The following BCAS3 variants were observed in gnomAD, a reference collection of about 807,000 sequenced individuals.
The protein encoded by BCAS3 is BCAS3 microtubule associated cell migration factor, also known as BCAS4/BCAS3 fusion.
A neutral mutation model predicts 116.1 loss-of-function variants in BCAS3; 53 were observed. The ratio of observed to expected loss-of-function variants is 0.46; its 90% CI spans 0.37 to 0.57. The LOEUF (loss-of-function observed/expected upper bound fraction) is 0.57. Among genes scored for constraint, BCAS3 ranks in the 20% least tolerant of loss-of-function variants. The pLI is 0.00. For synonymous variants in BCAS3, 391 were observed against 408.2 expected (o/e 0.96, Z 0.51); for missense variants, 917 against 1,165.4 (o/e 0.79, Z 3.10).
intron 22 of BCAS3, among the ~76,000 whole-genome samples, chr17:61,108,584 A>G (rs1051036739): frequency 1.6e-5 from 2 of 125,062 alleles, no homozygotes; most frequent in African/African-American, 5.9e-5. Context: ...CTAAAATTCT[A>G]TCTTGATTTG....
intron 5 of BCAS3, among the ~76,000 whole-genome samples, chr17:60,737,732 ATAAT>A (rs1193973933): frequency 1.3e-5 from 2 of 151,792 alleles, no homozygotes; most frequent in African/African-American, 4.8e-5. Context: ...TTCTACTTTA[ATAAT>A]TCTATTGTGG....
rs1436230767 is a variant in BCAS3, at chr17:60,848,350, A to G, written c.477-20226A>G. Among the ~76,000 whole-genome samples the G allele has an allele frequency of 2.0e-5, 3 of 152,088 alleles. No individual in the cohort carries two copies. The East Asian group carries it at 5.8e-4, about 29-fold the overall frequency. On this transcript the variant is annotated intron_variant, in intron 7 of 23. Coordinates refer to ENST00000407086, the MANE Select transcript of BCAS3 (RefSeq NM_017679.5). ...AAAAAGGCCACTGGAATTTCGAAAG[A>G]TATTGTATTGCTGTTATGAATGGAA...
At chr17:61,042,753 G>T (rs1254471421) in intron 19 of BCAS3, among the ~76,000 whole-genome samples, 1 of 151,240 alleles carries the variant, frequency 6.6e-6, no homozygotes, top group Non-Finnish European at 1.5e-5. Flanking sequence ...AGCCGGGTGT[G>T]GTGGTGCATG....
At position 61,040,815 on chromosome 17, in the gene BCAS3, A is replaced by C; in HGVS notation, c.1952A>C (p.Gln651Pro). 6.2e-7 allele frequency: 1 copy of C among 1,614,106 alleles called. No individual in the cohort carries two copies. Among genetic ancestry groups the C allele is most frequent in the Non-Finnish European group, 8.5e-7 (1 of 1,179,956 alleles). Residue 651 changes from glutamine (Q) to proline (P), a missense_variant, in exon 19 of 24, where the codon CAG becomes CCG. By Grantham distance (76) the Gln-to-Pro change is moderately conservative. Transcript: ENST00000407086. ...LVRTPQWNEL[Q>P]PPFNANHPLL... ...AGAACCCCTCAATGGAATGAATTGC[A>C]GCCACCGTTTAATGCAAACCACCCT... is the stretch of plus-strand genomic sequence containing the variant.
chr17:60,984,299 T>C (rs2062988408), intron 14 of BCAS3, among the ~76,000 whole-genome samples: 1 of 152,164 alleles, frequency 6.6e-6, no homozygotes, highest in South Asian at 2.1e-4. Flanking sequence ...ATTAGAAACT[T>C]GTACTTTGAT....
rs1422265697 is a variant in BCAS3, at chr17:61,004,444, A to G, written c.1487-11307A>G. 6.6e-6 allele frequency among the ~76,000 whole-genome samples: 1 copy of G among 152,036 alleles called. No individual in the cohort carries two copies. Among genetic ancestry groups the G allele is most frequent in the Non-Finnish European group, 1.5e-5 (1 of 67,978 alleles). On this transcript the variant is annotated intron_variant, in intron 15 of 23. Coordinates refer to ENST00000407086, the MANE Select transcript of BCAS3 (RefSeq NM_017679.5). This position sits in a 1 kb window ranked among gnomAD's most constrained non-coding sequence, Gnocchi z 4.8. Reference sequence around the variant, plus strand: ...AGGCTTCTTAGGATTTGTAGTAGCCAGAGTTTGAATGATTGACCCATATGA... The same window carrying G: ...AGGCTTCTTAGGATTTGTAGTAGCCGGAGTTTGAATGATTGACCCATATGA...
At chr17:60,812,930 A>G (rs1267364419) in intron 7 of BCAS3, among the ~76,000 whole-genome samples, 2 of 152,078 alleles carry the variant, frequency 1.3e-5, no homozygotes, top group Admixed American at 6.6e-5. Context: ...TTTTTAAGAG[A>G]TAAGTTCCCA....
At chr17:61,293,114 G>T (rs1283113618) in intron 22 of BCAS3, among the ~76,000 whole-genome samples, 1 of 152,142 alleles carries the variant, frequency 6.6e-6, no homozygotes, top group African/African-American at 2.4e-5. Context: ...TTCTTCTGTG[G>T]ACTCATGTTC....
intron 19 of BCAS3, among the ~76,000 whole-genome samples, chr17:61,045,823 T>TTCTCTCTCTCTCTCTCTCTCTCTCTC (rs1182475386): frequency 1.6e-3 from 55 of 34,618 alleles, no homozygotes; most frequent in Non-Finnish European, 1.8e-3. Context: ...TCATCTCTCT[T>TTCTCTCTCTCTCTCTCTCTCTCTCTC]TCTCTCTCTC....
At chr17:60,981,581 C>T (rs781691238) in intron 14 of BCAS3, among the ~76,000 whole-genome samples, 1 of 152,120 alleles carries the variant, frequency 6.6e-6, no homozygotes, top group African/African-American at 2.4e-5. Context: ...CTGTGCCCAG[C>T]CACAAGAGTG....
chr17:61,206,750 A>G (rs2144310460), intron 22 of BCAS3, among the ~76,000 whole-genome samples: 1 of 143,200 alleles, frequency 7.0e-6, no homozygotes. Flanking sequence ...GACGTGAGCC[A>G]AGATCTCGCC....
chr17:61,318,590 C>T (rs935263447), intron 22 of BCAS3, among the ~76,000 whole-genome samples: 8 of 152,192 alleles, frequency 5.3e-5, no homozygotes, highest in South Asian at 4.1e-4. Flanking sequence ...CAACAGATGA[C>T]GGGTTATTTC....
In BCAS3 at chr17:61,233,222, C is replaced by T. The variant is rs529480692; in HGVS notation, c.2426-135105C>T. ...GGAAAGGAGGTGATAAAGATTAGAG[C>T]TGATTGGGAAGGTTCTGAATGCCCA... On this transcript the variant is annotated intron_variant, in intron 22 of 23. Coordinates refer to ENST00000407086, the MANE Select transcript of BCAS3 (RefSeq NM_017679.5). The surrounding 1 kb of genome is among the most constrained non-coding windows in gnomAD (Gnocchi z 4.3). 6.6e-6 allele frequency among the ~76,000 whole-genome samples: 1 copy of T among 152,294 alleles called. No homozygotes were observed. Among genetic ancestry groups the T allele is most frequent in the South Asian group, 2.1e-4 (1 of 4,818 alleles).
intron 15 of BCAS3, among the ~76,000 whole-genome samples, chr17:60,992,189 TACACACACAC>T (rs576760115): frequency 0.024 from 3,153 of 130,714 alleles, 40 homozygotes; most frequent in Non-Finnish European, 0.033. Flanking sequence ...TCCGATGACT[TACACACACAC>T]ACACACACAC....
rs923974050 is a variant in BCAS3, at chr17:61,281,498, G to T, written c.2426-86829G>T. 8.5e-5 allele frequency among the ~76,000 whole-genome samples: 13 copies of T among 152,248 alleles called. No individual in the cohort carries two copies. Among genetic ancestry groups the T allele is most frequent in the African/African-American group, 3.1e-4 (13 of 41,550 alleles). On this transcript the variant is annotated intron_variant, in intron 22 of 23. Coordinates refer to ENST00000407086, the MANE Select transcript of BCAS3 (RefSeq NM_017679.5). This position sits in a 1 kb window ranked among gnomAD's most constrained non-coding sequence, Gnocchi z 4.2. The stretch of plus-strand genomic sequence containing the variant: ...TTTCTCTACGCCTTGCCAGTACAGT[G>T]TGTTATCAGATTTTTTGGTCTCTGC...
intron 5 of BCAS3, among the ~76,000 whole-genome samples, chr17:60,716,942 A>G (rs2038682912): frequency 1.3e-5 from 2 of 152,182 alleles, no homozygotes. Context: ...ACTGAACAAA[A>G]CAAAGTCATT....
intron 14 of BCAS3, among the ~76,000 whole-genome samples, chr17:60,952,069 G>T (rs1017755238): frequency 6.6e-6 from 1 of 151,574 alleles, no homozygotes; most frequent in Non-Finnish European, 1.5e-5. Context: ...ACTGCACTTG[G>T]CTGGGTCTTG....
intron 6 of BCAS3, among the ~76,000 whole-genome samples, chr17:60,754,424 A>T (rs2042795480): frequency 6.6e-6 from 1 of 151,810 alleles, no homozygotes; most frequent in South Asian, 2.1e-4. Context: ...GTGGTCGGAG[A>T]TGGGGTCCCA....
At chr17:61,177,040 G>T (rs1220736051) in intron 22 of BCAS3, among the ~76,000 whole-genome samples, 2 of 152,136 alleles carry the variant, frequency 1.3e-5, no homozygotes, top group Admixed American at 1.3e-4. Context: ...AATTTAAAAT[G>T]CTGATCATAC....
Sources: gnomAD v4.1 joint callset for allele counts (sites outside exome capture counted in the v4.1 genomes callset) on GRCh38, gnomAD v4.1.1 for gene constraint, Gnocchi (gnomAD v3.1) non-coding constraint, MANE v1.5 for transcripts, NCBI Gene and HGNC (gene_info 2026-07-23, HGNC 2026-07-21) for gene names.